The following ROBO2 variants were observed in gnomAD, a reference collection of about 807,000 sequenced individuals.
ROBO2 encodes the protein roundabout homolog 2.
ROBO2 carries 53 observed loss-of-function variants against 160.8 expected under a neutral mutation model. That is an observed-to-expected ratio of 0.33 (90% CI 0.26 to 0.41). The LOEUF (loss-of-function observed/expected upper bound fraction) is 0.41. Ranked by LOEUF, ROBO2 falls within the 10% of genes least tolerant of loss-of-function variation. ROBO2 has a pLI of 1.00. For missense variants in ROBO2, 1,577 were observed against 1,722.4 expected (o/e 0.92, Z 1.49); for synonymous variants, 664 against 611.7 (o/e 1.09, Z -1.26).
intron 2 of ROBO2, among the ~76,000 whole-genome samples, chr3:76,652,365 C>T (rs2091294140): frequency 6.6e-6 from 1 of 151,932 alleles, no homozygotes; most frequent in Non-Finnish European, 1.5e-5. Context: ...ATTAACAATC[C>T]CACTTTATAG....
At chr3:76,157,478 T>A (rs749299777) in intron 2 of ROBO2, among the ~76,000 whole-genome samples, 1 of 152,172 alleles carries the variant, frequency 6.6e-6, no homozygotes, top group Non-Finnish European at 1.5e-5. Flanking sequence ...TAATCAAGAA[T>A]TGATTGCAAT....
intron 2 of ROBO2, among the ~76,000 whole-genome samples, chr3:77,435,177 A>G (rs548440842): frequency 6.6e-6 from 1 of 152,124 alleles, no homozygotes; most frequent in East Asian, 1.9e-4. Flanking sequence ...TTGTTGATAT[A>G]GATAACATAA....
Position 75,929,788 on chromosome 3 carries a change from G to A in ROBO2, c.-13-7693G>A, listed in dbSNP as rs188233429. Among the ~76,000 whole-genome samples, 761 of 150,512 alleles carry A rather than the reference G, an allele frequency of 5.1e-3. 3 individuals carry two copies. The highest frequency in any genetic ancestry group is 0.017 in the African/African-American group (711 of 40,872). On this transcript the variant is annotated intron_variant, in intron 1 of 26. Transcript: ENST00000487694. ...CGGCTCACTGCAACCTCCTCCTCCC[G>A]GTTTCAAGTGATTCTCCTGCCTCAG...
intron 2 of ROBO2, among the ~76,000 whole-genome samples, chr3:76,412,345 C>CA (rs1185297083): frequency 6.6e-6 from 1 of 152,178 alleles, no homozygotes; most frequent in African/African-American, 2.4e-5. Context: ...CTGGCCCCTC[C>CA]AAATCTCATG....
At chr3:76,044,305 C>T (rs2067376928) in intron 2 of ROBO2, among the ~76,000 whole-genome samples, 1 of 151,966 alleles carries the variant, frequency 6.6e-6, no homozygotes, top group Non-Finnish European at 1.5e-5. Context: ...CAGCTTGTCC[C>T]ACTTCACCCT....
chr3:77,310,882 C>A (rs2153422177), intron 2 of ROBO2, among the ~76,000 whole-genome samples: 1 of 151,604 alleles, frequency 6.6e-6, no homozygotes, highest in East Asian at 1.9e-4. Flanking sequence ...AACAGAAACT[C>A]CATAATGGAT....
chr3:77,409,764 T>C (rs2076552031), intron 2 of ROBO2, among the ~76,000 whole-genome samples: 1 of 152,154 alleles, frequency 6.6e-6, no homozygotes, highest in Non-Finnish European at 1.5e-5. Context: ...TTGATTTTGA[T>C]GAAGCTATGA....
chr3:77,090,441 T>C (rs531824961), intron 1 of ROBO2, among the ~76,000 whole-genome samples: 21 of 142,878 alleles, frequency 1.5e-4, no homozygotes, highest in Non-Finnish European at 3.0e-4. Flanking sequence ...GCAAGCTCCG[T>C]CTCCCGGGTT....
intron 2 of ROBO2, among the ~76,000 whole-genome samples, chr3:77,231,382 AAAAGACACTAAGCT>A (rs1220802495): frequency 1.3e-5 from 2 of 151,176 alleles, no homozygotes; most frequent in Non-Finnish European, 3.0e-5. Flanking sequence ...AAAAAAAAAA[AAAAGACACTAAGCT>A]AAAAGACACT....
chr3:76,834,007 T>C (rs201624100), intron 2 of ROBO2, among the ~76,000 whole-genome samples: 27 of 28,432 alleles, frequency 9.5e-4, no homozygotes, highest in African/African-American at 1.7e-3. Context: ...CCTTCTTTCT[T>C]TCTTTCCTTT....
intron 2 of ROBO2, among the ~76,000 whole-genome samples, chr3:76,658,900 T>A (rs1320162469): frequency 2.0e-5 from 3 of 152,212 alleles, no homozygotes; most frequent in South Asian, 4.1e-4. Flanking sequence ...AATAGCTATT[T>A]AGTTTATTTT....
rs1048774535 is a variant in ROBO2 at position 77,057,718 on chromosome 3, G to A, written c.61+16872G>A. On this transcript the variant is annotated intron_variant, in intron 1 of 25. Coordinates refer to ENST00000461745, the Ensembl canonical transcript of ROBO2. ...CCCGAGTAGCTGGGATTACAGGCACGTGCCACCACACTCAGCTAATTTTTG... is the reference window on the plus strand; with the variant it reads ...CCCGAGTAGCTGGGATTACAGGCACATGCCACCACACTCAGCTAATTTTTG... Among the ~76,000 whole-genome samples the A allele has an allele frequency of 5.9e-5, 9 of 151,844 alleles. No individual in the cohort carries two copies. In the South Asian group the frequency reaches 1.5e-3, roughly 25 times the overall value.
intron 2 of ROBO2, among the ~76,000 whole-genome samples, chr3:76,927,067 C>A (rs1238428648): frequency 6.6e-6 from 1 of 152,016 alleles, no homozygotes; most frequent in African/African-American, 2.4e-5. Flanking sequence ...GAGAATGTGG[C>A]AGTATTTAAG....
At chr3:76,695,029 G>A (rs956773864) in intron 2 of ROBO2, among the ~76,000 whole-genome samples, 20 of 152,040 alleles carry the variant, frequency 1.3e-4, no homozygotes, top group African/African-American at 3.9e-4. Flanking sequence ...GCTTGAATTC[G>A]GGAGGTGGAG....
rs184647889 is a variant in ROBO2 at position 76,912,104 on chromosome 3, G to T, written c.110-185910G>T. On this transcript the variant is annotated intron_variant, in intron 2 of 26. Transcript: ENST00000487694. ...ATAAGATATTGAACATTAGACATAG[G>T]ATCCCATTTTCTTATGCTGATTCAG... is the stretch of plus-strand genomic sequence containing the variant. 6.4e-4 allele frequency among the ~76,000 whole-genome samples: 97 copies of T among 152,176 alleles called. 2 individuals carry two copies. The highest frequency in any genetic ancestry group is 6.2e-3 in the Admixed American group (95 of 15,274).
At chr3:76,518,842 T>C (rs2081464686) in intron 2 of ROBO2, among the ~76,000 whole-genome samples, 1 of 152,218 alleles carries the variant, frequency 6.6e-6, no homozygotes, top group African/African-American at 2.4e-5. Context: ...AATTAGAAGC[T>C]AAAGTCAGTC....
At chr3:76,369,437 T>C (rs2075992280) in intron 2 of ROBO2, among the ~76,000 whole-genome samples, 1 of 151,980 alleles carries the variant, frequency 6.6e-6, no homozygotes, top group African/African-American at 2.4e-5. Flanking sequence ...GGTGATGTCA[T>C]CTTTGTTCAC....
chr3:76,879,662 C>T (rs2073144301), intron 2 of ROBO2, among the ~76,000 whole-genome samples: 1 of 151,948 alleles, frequency 6.6e-6, no homozygotes, highest in African/African-American at 2.4e-5. Flanking sequence ...AACAAATCTG[C>T]TATAGGTTGT....
chr3:76,690,027 T>A (rs2092768524), intron 2 of ROBO2, among the ~76,000 whole-genome samples: 1 of 152,106 alleles, frequency 6.6e-6, no homozygotes, highest in Non-Finnish European at 1.5e-5. Context: ...GCCACAAGAA[T>A]ACATTGCATG....
Sources: allele counts gnomAD v4.1 joint callset (sites outside exome capture counted in the v4.1 genomes callset), GRCh38; gene constraint gnomAD v4.1.1; transcripts MANE v1.5; gene names NCBI Gene and HGNC (gene_info 2026-07-23, HGNC 2026-07-21).